The following SALL2 variants were observed in gnomAD, a reference collection of about 807,000 sequenced individuals.
SALL2 encodes spalt like transcription factor 2, also known as sal-like protein 2.
In SALL2, 32 loss-of-function variants were observed where a neutral mutation model predicts 58.5. The observed-to-expected ratio is 0.55, with a 90% CI of 0.41 to 0.74. The LOEUF (loss-of-function observed/expected upper bound fraction) is 0.74, where lower values mean the gene tolerates loss of function less well. Ranked by LOEUF, SALL2 falls within the 30% of genes least tolerant of loss-of-function variation. The pLI, the probability that SALL2 is intolerant of heterozygous loss-of-function variation, is 0.00. For synonymous variants in SALL2, 516 were observed against 513.6 expected (o/e 1.00, Z -0.06); for missense variants, 1,201 against 1,268.9 (o/e 0.95, Z 0.81).
chr14:21,533,072 A>AAT (rs1360685355), intron 1 of SALL2, among the ~76,000 whole-genome samples: 1 of 152,214 alleles, frequency 6.6e-6, no homozygotes, highest in Non-Finnish European at 1.5e-5. Flanking sequence ...ATGCTCCACA[A>AAT]ATATTAGCCA....
Position 21,522,504 on chromosome 14 carries a change from G to A in SALL2, c.*200C>T. 1 of 1,386,072 alleles carries A rather than the reference G, an allele frequency of 7.2e-7. No homozygotes were observed. The highest frequency in any genetic ancestry group is 9.3e-7 in the Non-Finnish European group (1 of 1,075,228). The allele number at this position is 1,386,072 out of a possible 1,614,324, so 85.9% of individuals were successfully genotyped here. ...TCCTCAGGTACAAAGAATGAGGAGGGAAGAAAAATTCCTTAGGGGGCCATC... is the reference window on the plus strand; with the variant it reads ...TCCTCAGGTACAAAGAATGAGGAGGAAAGAAAAATTCCTTAGGGGGCCATC... On this transcript the variant is annotated 3_prime_UTR_variant, in exon 2 of 2. Transcript: ENST00000537235.
At position 21,521,999 on chromosome 14, in the gene SALL2, TAC is replaced by T; in HGVS notation, c.*703_*704del. 1 of 1,569,242 alleles carries T rather than the reference TAC, an allele frequency of 6.4e-7. No homozygotes were observed. The highest frequency in any genetic ancestry group is 8.6e-7 in the Non-Finnish European group (1 of 1,163,900). Reference sequence around the variant, plus strand: ...GGAGCAGGGGGAGGAAGAAGGAATGTACAGTTTGCTACTTCTTGTCTATGATG... The same window carrying T: ...GGAGCAGGGGGAGGAAGAAGGAATGTAGTTTGCTACTTCTTGTCTATGATG... On this transcript the variant is annotated 3_prime_UTR_variant, in exon 2 of 2. Transcript: ENST00000537235.
Position 21,522,825 on chromosome 14 carries a change from G to A in SALL2, c.2897C>T (p.Pro966Leu). The A allele has an allele frequency of 1.2e-6, 2 of 1,609,670 alleles. No individual in the cohort carries two copies. The highest frequency in any genetic ancestry group is 1.7e-6 in the Non-Finnish European group (2 of 1,178,240). The change falls in exon 2 of 2, where the codon CCC becomes CTC. Residue 966 changes from proline (P) to leucine (L), a missense_variant. Around this residue, in one of 3 missense-constraint regions of SALL2, gnomAD observed 675 missense variants for 683.8 expected, o/e 0.99. Transcript: ENST00000537235. Reference protein sequence around the residue: ...HMLLAHHQVQPFAPHGPQNIA... With the variant: ...HMLLAHHQVQLFAPHGPQNIA... Reference sequence around the variant, plus strand: ...ATTCTGAGGGCCATGGGGGGCAAAGGGCTGTACCTGGTGGTGTGCCAGGAG... The same window carrying A: ...ATTCTGAGGGCCATGGGGGGCAAAGAGCTGTACCTGGTGGTGTGCCAGGAG...
chr14:21,526,583 C>G (rs1284524900), upstream of SALL2: 5 of 883,270 alleles, frequency 5.7e-6, no homozygotes, highest in Non-Finnish European at 7.0e-6. Flanking sequence ...CTACCCTCCT[C>G]CCCCCGCCCT....
At position 21,521,898 on chromosome 14, in the gene SALL2, G is replaced by A. The variant is rs1892045524; in HGVS notation, c.*806C>T. ...GGATTTACTGGGAAAATTTTCCTAT[G>A]CCCTTCCTTCATTTCTCCCTACTTC... On this transcript the variant is annotated 3_prime_UTR_variant, in exon 2 of 2. Transcript: ENST00000537235. 7.4e-7 allele frequency: 1 copy of A among 1,353,124 alleles called. No homozygotes were observed. The highest frequency in any genetic ancestry group is 9.8e-7 in the Non-Finnish European group (1 of 1,015,822). 83.8% of individuals were successfully genotyped at this position (1,353,124 alleles called of 1,614,324 possible). A position where few individuals can be genotyped will look rare whatever the true frequency, so the allele number is the denominator to read the frequency against.
At chr14:21,531,055 T>C (rs1044706062), upstream of SALL2, among the ~76,000 whole-genome samples, 1 of 152,220 alleles carries the variant, frequency 6.6e-6, no homozygotes, top group African/African-American at 2.4e-5. Context: ...TGTAGACACA[T>C]AATAATCCTT....
Position 21,534,254 on chromosome 14 carries a change from T to C in SALL2, c.-114+2708A>G, listed in dbSNP as rs934469432. On this transcript the variant is annotated intron_variant, in intron 1 of 1. Coordinates refer to the SALL2 transcript ENST00000541965. ...ATTTTGCAGATGAGGCCCAATGACA[T>C]CCAGATCATAAGTAGCCTAGGATCT... Among the ~76,000 whole-genome samples the C allele has an allele frequency of 1.7e-4, 26 of 152,164 alleles. 1 individual carries two copies. The highest frequency in any genetic ancestry group is 5.3e-4 in the African/African-American group (22 of 41,440).
rs201070786 is a variant in SALL2 at position 21,525,082 on chromosome 14, T to A, written c.640A>T (p.Thr214Ser). The change falls in exon 2 of 2, where the codon ACG becomes TCG. Residue 214 changes from threonine (T) to serine (S), a missense_variant. By Grantham distance (58) the Thr-to-Ser change is moderately conservative. This residue lies in a region of SALL2 where 467 missense variants were observed against 468.9 expected (regional missense o/e 1.00). Coordinates refer to ENST00000537235, the MANE Select transcript of SALL2 (RefSeq NM_001364564.1). The surrounding 1 kb of genome is among the most constrained non-coding windows in gnomAD (Gnocchi z 4.4). ...GAGGGACTGGCAGGGGCACCCACCG[T>A]CTGGCCTAAGGAGCCAAGCAACAGC... The part of the protein sequence containing the change: ...QVLLLGSLGQ[T>S]VGAPASPSEL... 2.7e-5 allele frequency: 43 copies of A among 1,614,082 alleles called. No homozygotes were observed. In the East Asian group the frequency reaches 8.7e-4, roughly 33 times the overall value.
rs563327913 is a variant in SALL2, at chr14:21,522,649, T to G, written c.*55A>C. The G allele has an allele frequency of 6.7e-7, 1 of 1,496,980 alleles. No individual in the cohort carries two copies. The highest frequency in any genetic ancestry group is 2.3e-5 in the East Asian group (1 of 43,184). The allele number at this position is 1,496,980 out of a possible 1,614,324, so 92.7% of individuals were successfully genotyped here. ...GGCTCATAACTCTGGGAGGTCCTTT[T>G]GTGAAGCTGTTTCTGCTCTGTGGGA... On this transcript the variant is annotated 3_prime_UTR_variant, in exon 2 of 2. Coordinates refer to ENST00000537235, the MANE Select transcript of SALL2 (RefSeq NM_001364564.1).
chr14:21,524,767 A>T lies in SALL2; in HGVS notation c.955T>A (p.Phe319Ile). Reference protein sequence around the residue: ...DQLIASPHLAFPSTTGLLAAQ... With the variant: ...DQLIASPHLAIPSTTGLLAAQ... ...GCCAGTAGTCCCGTGGTGCTTGGGA[A>T]TGCCAGATGAGGCGAGGCAATCAGC... is the stretch of plus-strand genomic sequence containing the variant. Residue 319 changes from phenylalanine (F) to isoleucine (I), a missense_variant, in exon 2 of 2, where the codon TTC (phenylalanine) becomes ATC (isoleucine). By Grantham distance (21) the Phe-to-Ile change is conservative (BLOSUM62 0). Transcript: ENST00000537235. 1 of 1,607,222 alleles carries T rather than the reference A, an allele frequency of 6.2e-7. No individual in the cohort carries two copies. Among genetic ancestry groups the T allele is most frequent in the Non-Finnish European group, 8.5e-7 (1 of 1,176,288 alleles).
chr14:21,531,527 C>G (rs574533659), intron 1 of SALL2, among the ~76,000 whole-genome samples: 86 of 152,168 alleles, frequency 5.7e-4, no homozygotes, highest in African/African-American at 1.7e-3. Context: ...CTGCCTCACC[C>G]TCCCTAGTAG....
chr14:21,528,813 T>C (rs2139678648), upstream of SALL2, among the ~76,000 whole-genome samples: 1 of 152,280 alleles, frequency 6.6e-6, no homozygotes, highest in South Asian at 2.1e-4. Context: ...CTGTGTGGCT[T>C]CTACCTGCCA....
Position 21,522,981 on chromosome 14 carries a change from C to A in SALL2, c.2741G>T (p.Cys914Phe). Reference sequence around the variant, plus strand: ...TGCCTGGGAGGGAAAGGCCTGGCCACACACTTCGCAGGCCTTTCTGCTGCT... The same window carrying A: ...TGCCTGGGAGGGAAAGGCCTGGCCAAACACTTCGCAGGCCTTTCTGCTGCT... Reference protein sequence around the residue: ...ESSSRKACEVCGQAFPSQAAL... With the variant: ...ESSSRKACEVFGQAFPSQAAL... Residue 914 changes from cysteine to phenylalanine, a missense_variant, in exon 2 of 2, where the codon TGT (cysteine) becomes TTT (phenylalanine). Cys to Phe is a radical substitution (Grantham distance 205). Coordinates refer to ENST00000537235, the MANE Select transcript of SALL2 (RefSeq NM_001364564.1). 2.5e-6 allele frequency: 4 copies of A among 1,614,154 alleles called. No individual in the cohort carries two copies. The highest frequency in any genetic ancestry group is 3.4e-6 in the Non-Finnish European group (4 of 1,180,022).
In SALL2 at chr14:21,524,861, A is replaced by T. The variant is rs1291236307; in HGVS notation, c.861T>A (p.Ala287=). Residue 287 remains alanine (A), a synonymous_variant, in exon 2 of 2, where the codon GCT becomes GCA. Transcript: ENST00000537235. Reference sequence around the variant, plus strand: ...GTTTGTGGCTTCGCCCAACCCCTCCAGCAGAGAAAGGATGCTGTGACCCCA... The same window carrying T: ...GTTTGTGGCTTCGCCCAACCCCTCCTGCAGAGAAAGGATGCTGTGACCCCA... ...HPLGSQHPFS[A]GGVGRSHKPT... 6.2e-7 allele frequency: 1 copy of T among 1,613,940 alleles called. No individual in the cohort carries two copies. The highest frequency in any genetic ancestry group is 8.5e-7 in the Non-Finnish European group (1 of 1,179,874).
chr14:21,526,588 C>G, upstream of SALL2: 5 of 844,980 alleles, frequency 5.9e-6, 1 homozygote, highest in South Asian at 1.5e-4. Flanking sequence ...CTCCTCCCCC[C>G]GCCCTCCCCT....
rs186146728 is a variant in SALL2 at position 21,535,218 on chromosome 14, G to A, written c.-114+1744C>T. 1.2e-3 allele frequency among the ~76,000 whole-genome samples: 184 copies of A among 151,976 alleles called. 1 individual carries two copies. Among genetic ancestry groups the A allele is most frequent in the Admixed American group, 2.2e-3 (33 of 15,258 alleles). On this transcript the variant is annotated intron_variant, in intron 1 of 1. Transcript: ENST00000541965. ...AAATTAGCCCGGCGTGGTGGCAGGCGCCTATAGTTCCAGCTACTCGGGAGG... is the reference window on the plus strand; with the variant it reads ...AAATTAGCCCGGCGTGGTGGCAGGCACCTATAGTTCCAGCTACTCGGGAGG...
At chr14:21,536,907 C>A (rs1892612139) in intron 1 of SALL2, 8 of 1,614,210 alleles carry the variant, frequency 5.0e-6, no homozygotes, top group Non-Finnish European at 6.8e-6. Flanking sequence ...GTTTCCGCTG[C>A]TTTCGCCGAG....
At chr14:21,530,128 A>G (rs1192439353), upstream of SALL2, among the ~76,000 whole-genome samples, 1 of 152,132 alleles carries the variant, frequency 6.6e-6, no homozygotes, top group East Asian at 1.9e-4. Flanking sequence ...ATCCTTTCCC[A>G]GTGAAAAATC....
At chr14:21,536,158 A>G (rs758639412) in intron 1 of SALL2, among the ~76,000 whole-genome samples, 2 of 152,258 alleles carry the variant, frequency 1.3e-5, no homozygotes, top group African/African-American at 4.8e-5. Flanking sequence ...AAAACACGGT[A>G]TCCTCATAAA....
Sources: allele counts gnomAD v4.1 joint callset (sites outside exome capture counted in the v4.1 genomes callset), GRCh38; gene constraint gnomAD v4.1.1; regional missense constraint gnomAD v4.1.1; non-coding constraint Gnocchi (gnomAD v3.1); transcripts MANE v1.5; gene names NCBI Gene and HGNC (gene_info 2026-07-23, HGNC 2026-07-21).